CORO2B: variants seen among roughly 807,000 people sequenced by gnomAD.
CORO2B encodes coronin 2B.
Under a neutral mutation model 58.8 loss-of-function variants are expected in CORO2B, and 26 were observed. That is an observed-to-expected ratio of 0.44 (90% CI 0.32 to 0.61). The LOEUF (loss-of-function observed/expected upper bound fraction) is 0.61, where lower values mean the gene tolerates loss of function less well. CORO2B is among the 20% of genes least tolerant of loss of function. The pLI, the probability that CORO2B is intolerant of heterozygous loss-of-function variation, is 0.04. For synonymous variants in CORO2B, 242 were observed against 253.8 expected (o/e 0.95, Z 0.44); for missense variants, 460 against 645.1 (o/e 0.71, Z 3.11).
intron 1 of CORO2B, among the ~76,000 whole-genome samples, chr15:68,626,472 C>T (rs1010308484): frequency 2.0e-5 from 3 of 152,202 alleles, no homozygotes; most frequent in Non-Finnish European, 2.9e-5. Flanking sequence ...TTATGTGGTC[C>T]TGAGTGCTAG....
chr15:68,617,601 CAG>C (rs1420787843), intron 1 of CORO2B, among the ~76,000 whole-genome samples: 3 of 152,146 alleles, frequency 2.0e-5, no homozygotes, highest in Non-Finnish European at 4.4e-5. Flanking sequence ...TCAGCAAACT[CAG>C]TGTGAATAGT....
chr15:68,575,920 C>T (rs1019281816), upstream of CORO2B, among the ~76,000 whole-genome samples: 1 of 151,048 alleles, frequency 6.6e-6, no homozygotes, highest in African/African-American at 2.4e-5. Flanking sequence ...TTTGGGAGGC[C>T]GAGGCGGGCA....
the CORO2B span, among the ~76,000 whole-genome samples, chr15:68,520,354 CTGAAAGAGGT>C: frequency 6.6e-6 from 1 of 152,148 alleles, no homozygotes; most frequent in Non-Finnish European, 1.5e-5. Context: ...CCATCAGTTA[CTGAAAGAGGT>C]ATATTATAGT....
chr15:68,709,251 C>T (rs1013191797), intron 3 of CORO2B, among the ~76,000 whole-genome samples: 2 of 152,092 alleles, frequency 1.3e-5, no homozygotes, highest in African/African-American at 4.8e-5. Flanking sequence ...TGCCAAATTG[C>T]TTCCAAAAGA....
the CORO2B span, among the ~76,000 whole-genome samples, chr15:68,569,830 A>C: frequency 6.6e-6 from 1 of 152,138 alleles, no homozygotes; most frequent in South Asian, 2.1e-4. Flanking sequence ...TTTGCCCCCA[A>C]TTTGCAGATG....
the CORO2B span, among the ~76,000 whole-genome samples, chr15:68,550,783 G>T: frequency 3.3e-5 from 5 of 152,238 alleles, no homozygotes; most frequent in Admixed American, 2.0e-4. Context: ...CATCTGAGAT[G>T]CAGGCGGCTC....
At position 68,673,837 on chromosome 15, in the gene CORO2B, A is replaced by C. The variant is rs1202984027; in HGVS notation, c.217-21303A>C. On this transcript the variant is annotated intron_variant, in intron 2 of 11. Transcript: ENST00000261861. ...GGGCAACAGAGCGAGACTCCGTCTAAAAAAAAAAAAAAAAAAAAAAAGGAC... is the reference window on the plus strand; with the variant it reads ...GGGCAACAGAGCGAGACTCCGTCTACAAAAAAAAAAAAAAAAAAAAAGGAC... Among the ~76,000 whole-genome samples the C allele has an allele frequency of 1.2e-3, 4 of 3,312 alleles. No individual in the cohort carries two copies. In the Admixed American group the frequency reaches 0.061, roughly 50 times the overall value. The allele number at this position is 3,312 out of a possible 152,430, so 2.2% of individuals were successfully genotyped here. A position where few individuals can be genotyped will look rare whatever the true frequency, so the allele number is the denominator to read the frequency against.
the CORO2B span, among the ~76,000 whole-genome samples, chr15:68,559,952 G>A: frequency 6.6e-6 from 1 of 152,206 alleles, no homozygotes; most frequent in African/African-American, 2.4e-5. The surrounding 1 kb of genome is among the most constrained non-coding windows in gnomAD (Gnocchi z 4.3). Context: ...AAGTTTGTTG[G>A]GGATTTAAAC....
chr15:68,658,259 G>C (rs1017784233), intron 2 of CORO2B, among the ~76,000 whole-genome samples: 1 of 152,170 alleles, frequency 6.6e-6, no homozygotes, highest in South Asian at 2.1e-4. Context: ...CCAGGGAGAG[G>C]GAACAGCTGG....
chr15:68,611,566 A>G (rs1482847316), intron 1 of CORO2B, among the ~76,000 whole-genome samples: 2 of 152,188 alleles, frequency 1.3e-5, no homozygotes, highest in Non-Finnish European at 2.9e-5. Flanking sequence ...AACTGAAAGC[A>G]TGTCATAGTT....
intron 11 of CORO2B, among the ~76,000 whole-genome samples, chr15:68,723,440 C>T (rs34613719): frequency 0.18 from 26,502 of 151,308 alleles, 2,853 homozygotes; most frequent in Non-Finnish European, 0.24. Flanking sequence ...CATTTGGTTT[C>T]TTTGTTGTTG....
chr15:68,698,116 C>T (rs1241968919), intron 3 of CORO2B, among the ~76,000 whole-genome samples: 1 of 152,200 alleles, frequency 6.6e-6, no homozygotes, highest in Non-Finnish European at 1.5e-5. Context: ...GGCACTGCCA[C>T]CCCCAAACTG....
intron 2 of CORO2B, among the ~76,000 whole-genome samples, chr15:68,652,370 G>A (rs538548696): frequency 6.6e-6 from 1 of 152,288 alleles, no homozygotes; most frequent in East Asian, 1.9e-4. Flanking sequence ...CAGAGAGCAG[G>A]CACTGTGCCC....
intron 2 of CORO2B, among the ~76,000 whole-genome samples, chr15:68,658,470 G>T (rs981731501): frequency 6.6e-5 from 10 of 152,260 alleles, no homozygotes; most frequent in Admixed American, 1.3e-4. Context: ...GGTAGAAGCG[G>T]GAGGGGCTGG....
rs984500713 is a variant in CORO2B, at chr15:68,645,985, G to T, written c.216+625G>T. Among the ~76,000 whole-genome samples the T allele has an allele frequency of 6.6e-6, 1 of 152,002 alleles. No individual in the cohort carries two copies. On this transcript the variant is annotated intron_variant, in intron 2 of 11. Transcript: ENST00000261861. The surrounding 1 kb of genome is among the most constrained non-coding windows in gnomAD (Gnocchi z 4.5). The stretch of plus-strand genomic sequence containing the variant: ...GATGGGGTTTCACCATGTTGGTCAG[G>T]CTGGTCTCGAAATCCTGACCTCAGG...
At position 68,645,285 on chromosome 15, in the gene CORO2B, C is replaced by T. The variant is rs759773030; in HGVS notation, c.141C>T (p.Ala47=). 73 of 1,614,038 alleles carry T rather than the reference C, an allele frequency of 4.5e-5. No homozygotes were observed. Among genetic ancestry groups the T allele is most frequent in the Middle Eastern group, 1.6e-4 (1 of 6,084 alleles). ...TKNVHDNHFC[A]VNTRFLAIVT... ...ATGTGCACGACAACCACTTCTGTGC[C>T]GTCAACACCCGCTTCCTGGCCATCG... Residue 47 remains alanine (A), a synonymous_variant, in exon 2 of 12, where the codon GCC becomes GCT. Coordinates refer to ENST00000261861, the MANE Select transcript of CORO2B (RefSeq NM_006091.5). This position sits in a 1 kb window ranked among gnomAD's most constrained non-coding sequence, Gnocchi z 4.5.
chr15:68,548,578 C>T, the CORO2B span, among the ~76,000 whole-genome samples: 1 of 152,168 alleles, frequency 6.6e-6, no homozygotes, highest in African/African-American at 2.4e-5. Flanking sequence ...ATGAAAGTTT[C>T]TCTAGGAATA....
chr15:68,561,992 C>T, the CORO2B span, among the ~76,000 whole-genome samples: 46 of 152,266 alleles, frequency 3.0e-4, no homozygotes, highest in African/African-American at 1.1e-3. Flanking sequence ...CCCCCACTGG[C>T]CTTGTCCCTT....
At chr15:68,635,997 G>A (rs1901021675) in intron 1 of CORO2B, among the ~76,000 whole-genome samples, 1 of 152,204 alleles carries the variant, frequency 6.6e-6, no homozygotes, top group African/African-American at 2.4e-5. Flanking sequence ...GACAAGTAAA[G>A]GAGAGACCTC....
Sources: allele counts gnomAD v4.1 joint callset (sites outside exome capture counted in the v4.1 genomes callset), GRCh38; gene constraint gnomAD v4.1.1; non-coding constraint Gnocchi (gnomAD v3.1); transcripts MANE v1.5; gene names NCBI Gene and HGNC (gene_info 2026-07-23, HGNC 2026-07-21).